SCAF8: variants seen among roughly 807,000 people sequenced by gnomAD.
The protein encoded by SCAF8 is SR-related CTD associated factor 8, also known as SR-related and CTD-associated factor 8.
SCAF8 carries 23 observed loss-of-function variants against 140.5 expected under a neutral mutation model. The observed-to-expected ratio is 0.16, with a 90% CI of 0.12 to 0.23. The LOEUF is 0.23. Ranked by LOEUF, SCAF8 falls within the 10% of genes least tolerant of loss-of-function variation. The pLI is 1.00. For synonymous variants in SCAF8, 575 were observed against 528.9 expected, an observed-to-expected ratio of 1.09 and a Z score of -1.20; for missense variants, 1,397 against 1,555.7, an observed-to-expected ratio of 0.90 and a Z score of 1.72.
intron 1 of SCAF8, among the ~76,000 whole-genome samples, chr6:154,735,470 TTTTTTA>T (rs1778390221): frequency 6.6e-6 from 1 of 152,036 alleles, no homozygotes; most frequent in South Asian, 2.1e-4. Context: ...TAATACTACA[TTTTTTA>T]TTTTTAACAT....
At position 154,779,031 on chromosome 6, in the gene SCAF8, G is replaced by T. The variant is rs778920630; in HGVS notation, c.159+986G>T. On this transcript the variant is annotated intron_variant, in intron 3 of 19. Coordinates refer to ENST00000367178, the MANE Select transcript of SCAF8 (RefSeq NM_014892.5). ...TCTGGTTTTGTTTTGTTTTGTTTTG[G>T]TTTTTTTGTTTTTGTTTTTGAGACG... Among the ~76,000 whole-genome samples, 85 of 151,748 alleles carry T rather than the reference G, an allele frequency of 5.6e-4. 2 individuals carry two copies. Among genetic ancestry groups the T allele is most frequent in the South Asian group, 4.6e-3 (22 of 4,792 alleles).
chr6:154,751,838 T>C (rs917936182), intron 1 of SCAF8, among the ~76,000 whole-genome samples: 4 of 152,204 alleles, frequency 2.6e-5, no homozygotes, highest in African/African-American at 9.6e-5. Context: ...AGCATACTAC[T>C]GTGCTGCTCC....
chr6:154,803,707 T>A, intron 8 of SCAF8, 84 bp downstream of exon 8: 1 of 804,118 alleles, frequency 1.2e-6, no homozygotes, highest in South Asian at 1.5e-5. Flanking sequence ...CTTAGTAAGT[T>A]GGGATTATTA....
intron 3 of SCAF8, among the ~76,000 whole-genome samples, chr6:154,784,120 G>GAGAGATATAT (rs1362230678): frequency 5.2e-4 from 56 of 106,848 alleles, no homozygotes; most frequent in Non-Finnish European, 9.1e-4. Flanking sequence ...GGTGTCTTGA[G>GAGAGATATAT]ATATATATAT....
At chr6:154,765,590 G>T (rs1247261864) in intron 1 of SCAF8, among the ~76,000 whole-genome samples, 2 of 152,154 alleles carry the variant, frequency 1.3e-5, no homozygotes, top group African/African-American at 4.8e-5. Flanking sequence ...ATATCAGCAA[G>T]ATCCCTAGAA....
intron 3 of SCAF8, among the ~76,000 whole-genome samples, chr6:154,782,151 T>G (rs570099506): frequency 1.3e-5 from 2 of 152,336 alleles, no homozygotes; most frequent in African/African-American, 4.8e-5. Flanking sequence ...GCACTCTGGC[T>G]CATGCCTACA....
chr6:154,737,494 G>A (rs1036590054), intron 1 of SCAF8, among the ~76,000 whole-genome samples: 1 of 152,068 alleles, frequency 6.6e-6, no homozygotes, highest in African/African-American at 2.4e-5. Context: ...TGGCCAGCAT[G>A]GCGAAACCCC....
intron 4 of SCAF8, among the ~76,000 whole-genome samples, chr6:154,789,532 A>C (rs895823785): frequency 1.3e-5 from 2 of 151,532 alleles, no homozygotes; most frequent in African/African-American, 4.9e-5. Flanking sequence ...TGCAGGCAAA[A>C]GAATGCTTCT....
chr6:154,778,531 A>T (rs890566607), intron 3 of SCAF8, among the ~76,000 whole-genome samples: 1 of 152,142 alleles, frequency 6.6e-6, no homozygotes, highest in African/African-American at 2.4e-5. Context: ...TTGGGAGGCC[A>T]AGGTGGGTGG....
In SCAF8 at chr6:154,734,419, G is replaced by A. The variant is rs139836263; in HGVS notation, c.30+489G>A. Among the ~76,000 whole-genome samples the A allele has an allele frequency of 9.0e-4, 137 of 152,122 alleles. No individual in the cohort carries two copies. The East Asian group carries it at 0.02, about 22-fold the overall frequency. On this transcript the variant is annotated intron_variant, in intron 1 of 19. Coordinates refer to ENST00000367178, the MANE Select transcript of SCAF8 (RefSeq NM_014892.5). ...TTGATCTGTGGTCACGTTACACGTA[G>A]TGTTTATAATTGAGGCATTGTTGAC... is the stretch of plus-strand genomic sequence containing the variant.
chr6:154,785,844 T>C (rs529757333), intron 3 of SCAF8, among the ~76,000 whole-genome samples: 2 of 152,180 alleles, frequency 1.3e-5, no homozygotes, highest in African/African-American at 4.8e-5. Flanking sequence ...TATTCGTTCT[T>C]ACCTTTCTCC....
intron 10 of SCAF8, among the ~76,000 whole-genome samples, chr6:154,808,428 T>C (rs564379282): frequency 2.0e-5 from 3 of 151,714 alleles, no homozygotes; most frequent in African/African-American, 7.3e-5. Context: ...TTTGTAAACT[T>C]TCTTAAAACA....
At chr6:154,786,810 C>T (rs1777271510) in intron 3 of SCAF8, among the ~76,000 whole-genome samples, 1 of 152,158 alleles carries the variant, frequency 6.6e-6, no homozygotes, top group African/African-American at 2.4e-5. Context: ...TGTCTTGATT[C>T]TTCTCTCAGG....
chr6:154,736,266 T>TG (rs1554256260), intron 1 of SCAF8, among the ~76,000 whole-genome samples: 1 of 27,298 alleles, frequency 3.7e-5, no homozygotes, highest in Non-Finnish European at 5.7e-5. Flanking sequence ...CATCCAAGAC[T>TG]TTTTTTTTTT....
At chr6:154,800,460 C>T (rs972986035) in intron 6 of SCAF8, among the ~76,000 whole-genome samples, 2 of 151,408 alleles carry the variant, frequency 1.3e-5, no homozygotes, top group African/African-American at 4.8e-5. Flanking sequence ...TTAAGTGTGA[C>T]CTGGGCTGTG....
At chr6:154,799,708 A>T (rs552047499) in intron 6 of SCAF8, among the ~76,000 whole-genome samples, 3 of 151,240 alleles carry the variant, frequency 2.0e-5, no homozygotes, top group Admixed American at 2.0e-4. Flanking sequence ...CACTTCCCTC[A>T]TATATTCATA....
intron 1 of SCAF8, among the ~76,000 whole-genome samples, chr6:154,765,410 A>G (rs1255039892): frequency 6.6e-6 from 1 of 152,222 alleles, no homozygotes; most frequent in African/African-American, 2.4e-5. Context: ...TAAATGTTGA[A>G]TAAACTTGTA....
chr6:154,751,011 G>C (rs1405303019), intron 1 of SCAF8, among the ~76,000 whole-genome samples: 1 of 151,930 alleles, frequency 6.6e-6, no homozygotes, highest in Non-Finnish European at 1.5e-5. Context: ...TGGATCCCAG[G>C]AAGATTAAAA....
At chr6:154,781,618 CAT>C (rs1198622675) in intron 3 of SCAF8, among the ~76,000 whole-genome samples, 4 of 152,308 alleles carry the variant, frequency 2.6e-5, no homozygotes, top group East Asian at 3.9e-4. Flanking sequence ...CCAGAAGAGA[CAT>C]ATGGTTTCCT....
Sources: allele counts gnomAD v4.1 joint callset (sites outside exome capture counted in the v4.1 genomes callset), GRCh38; gene constraint gnomAD v4.1.1; transcripts MANE v1.5; gene names NCBI Gene and HGNC (gene_info 2026-07-23, HGNC 2026-07-21).